The following P4HA1 variants were observed in gnomAD, a reference collection of about 807,000 sequenced individuals.
P4HA1 encodes prolyl 4-hydroxylase subunit alpha-1.
A neutral mutation model predicts 72.8 loss-of-function variants in P4HA1; 24 were observed. The observed-to-expected ratio is 0.33, with a 90% CI of 0.24 to 0.46. The LOEUF is 0.46. Among genes scored for constraint, P4HA1 ranks in the 20% least tolerant of loss-of-function variants. P4HA1 has a pLI of 1.00. For synonymous variants in P4HA1, 201 were observed against 218.8 expected (o/e 0.92, Z 0.72); for missense variants, 446 against 640.6 (o/e 0.70, Z 3.28).
chr10:73,070,269 G>C lies in P4HA1; in HGVS notation c.326-1286C>G, dbSNP rs140752536. Among the ~76,000 whole-genome samples the C allele has an allele frequency of 8.4e-4, 119 of 141,772 alleles. 8 individuals carry two copies. The highest frequency in any genetic ancestry group is 2.7e-3 in the African/African-American group (101 of 37,992). 93.0% of individuals were successfully genotyped at this position (141,772 alleles called of 152,430 possible). A position where few individuals can be genotyped will look rare whatever the true frequency, so the allele number is the denominator to read the frequency against. On this transcript the variant is annotated intron_variant, in intron 4 of 14. Transcript: ENST00000394890. ...AACTCCCGGTTCAAGCAATTCTCCT[G>C]CCTCAGCCTCCCGACTAGCTGGGAT...
At chr10:73,080,448 C>T (rs1027354116) in intron 1 of P4HA1, among the ~76,000 whole-genome samples, 1 of 152,180 alleles carries the variant, frequency 6.6e-6, no homozygotes, top group African/African-American at 2.4e-5. Context: ...TATGAAATCA[C>T]CTCTGCATTT....
chr10:73,096,512 C>A (rs976208299), intron 1 of P4HA1, among the ~76,000 whole-genome samples: 1 of 151,934 alleles, frequency 6.6e-6, no homozygotes, highest in Non-Finnish European at 1.5e-5. Flanking sequence ...GCTGCAGCAG[C>A]CCCAGCGGTC....
In P4HA1 at chr10:73,093,953, TATATATTC is replaced by T. The variant is rs149247878; in HGVS notation, c.-33+2805_-33+2812del. ...ATACTCATTTTATTTGGATTTTTTA[TATATATTC>T]ATATATTTATACACACACAACACAT... is the stretch of plus-strand genomic sequence containing the variant. On this transcript the variant is annotated intron_variant, in intron 1 of 14. Transcript: ENST00000394890. Among the ~76,000 whole-genome samples, 143 of 144,350 alleles carry T rather than the reference TATATATTC, an allele frequency of 9.9e-4. 1 individual carries two copies. The highest frequency in any genetic ancestry group is 1.6e-3 in the Non-Finnish European group (103 of 66,314). 94.7% of individuals were successfully genotyped at this position (144,350 alleles called of 152,430 possible).
At chr10:73,093,318 T>C (rs962348633) in intron 1 of P4HA1, among the ~76,000 whole-genome samples, 1 of 152,090 alleles carries the variant, frequency 6.6e-6, no homozygotes, top group African/African-American at 2.4e-5. Context: ...TTTTAGCAAA[T>C]GTCAAATCAA....
intron 6 of P4HA1, 99 bp downstream of exon 6, chr10:73,053,252 G>T: frequency 8.4e-7 from 1 of 1,197,506 alleles, no homozygotes; most frequent in Non-Finnish European, 1.2e-6. Context: ...CTTCTAAAAA[G>T]TAAGAAAATA....
At chr10:73,031,744 A>G (rs1840438275) in intron 9 of P4HA1, among the ~76,000 whole-genome samples, 1 of 152,154 alleles carries the variant, frequency 6.6e-6, no homozygotes. Flanking sequence ...ACAAGGCTAA[A>G]AACCACTGAA....
At chr10:73,050,100 A>T (rs1484173522) in intron 7 of P4HA1, among the ~76,000 whole-genome samples, 1 of 149,862 alleles carries the variant, frequency 6.7e-6, no homozygotes, top group Non-Finnish European at 1.5e-5. Flanking sequence ...CAGGAGGCGG[A>T]GGTTGCAGTG....
chr10:73,030,509 A>G (rs1840408818), intron 9 of P4HA1, 139 bp from the exon 10 acceptor site: 2 of 421,966 alleles, frequency 4.7e-6, no homozygotes. Context: ...TTTCTTGCTT[A>G]GTATCATCTT....
At chr10:73,032,418 T>C (rs1205266827) in intron 9 of P4HA1, among the ~76,000 whole-genome samples, 1 of 152,208 alleles carries the variant, frequency 6.6e-6, no homozygotes, top group African/African-American at 2.4e-5. Flanking sequence ...TTGTATTTGT[T>C]CCTTTGGTAA....
intron 5 of P4HA1, among the ~76,000 whole-genome samples, chr10:73,058,957 T>C (rs1171514442): frequency 6.6e-6 from 1 of 151,918 alleles, no homozygotes; most frequent in Admixed American, 6.6e-5. Flanking sequence ...TTTGTATTTT[T>C]AGTAGGGATG....
intron 1 of P4HA1, among the ~76,000 whole-genome samples, chr10:73,086,611 T>C (rs1470454708): frequency 6.6e-6 from 1 of 152,150 alleles, no homozygotes. Flanking sequence ...CGTGAATTAT[T>C]ACTCAATAAA....
intron 11 of P4HA1, among the ~76,000 whole-genome samples, chr10:73,015,759 A>G (rs1309493975): frequency 6.6e-6 from 1 of 151,926 alleles, no homozygotes; most frequent in Admixed American, 6.6e-5. Flanking sequence ...CCCCTCTTTA[A>G]TTCTCTAAGT....
At chr10:73,013,056 A>G (rs1227377999) in intron 12 of P4HA1, among the ~76,000 whole-genome samples, 1 of 152,190 alleles carries the variant, frequency 6.6e-6, no homozygotes, top group Non-Finnish European at 1.5e-5. Flanking sequence ...TCGGCCTCTC[A>G]AAGTGTTGGG....
intron 9 of P4HA1, among the ~76,000 whole-genome samples, chr10:73,039,777 G>T (rs962631676): frequency 6.6e-5 from 10 of 150,702 alleles, no homozygotes; most frequent in African/African-American, 2.4e-4. Context: ...TCAAAATACA[G>T]ATGTTCCCAG....
intron 10 of P4HA1, among the ~76,000 whole-genome samples, chr10:73,025,906 T>C (rs1564621509): frequency 6.6e-6 from 1 of 152,306 alleles, no homozygotes; most frequent in East Asian, 1.9e-4. Flanking sequence ...TTACAAGGGA[T>C]GTGAAGAACC....
Position 73,008,335 on chromosome 10 carries a change from A to T in P4HA1, c.1535-43T>A, listed in dbSNP as rs375533829. The stretch of plus-strand genomic sequence containing the variant: ...TATATTAATTTTCCCCCTTAATCTA[A>T]TCAGTATTTAATTAGTTTCTAAAAG... On this transcript the variant is annotated intron_variant, in intron 14 of 14. Coordinates refer to ENST00000394890, the MANE Select transcript of P4HA1 (RefSeq NM_001017962.3). 8 of 1,210,672 alleles carry T rather than the reference A, an allele frequency of 6.6e-6. No individual in the cohort carries two copies. The East Asian group carries it at 1.6e-4, about 25-fold the overall frequency. 75.0% of individuals were successfully genotyped at this position (1,210,672 alleles called of 1,614,324 possible).
At chr10:73,092,031 C>T (rs1192063971) in intron 1 of P4HA1, among the ~76,000 whole-genome samples, 1 of 152,106 alleles carries the variant, frequency 6.6e-6, no homozygotes, top group African/African-American at 2.4e-5. Flanking sequence ...TTATTTCCAC[C>T]CAGTCTACCT....
At chr10:73,046,798 T>G in intron 8 of P4HA1, 127 bp downstream of exon 8, 1 of 713,072 alleles carries the variant, frequency 1.4e-6, no homozygotes, top group Non-Finnish European at 2.3e-6. Context: ...AACTCCATTA[T>G]GCTGAGGCAA....
intron 9 of P4HA1, among the ~76,000 whole-genome samples, chr10:73,037,303 G>A (rs1404371004): frequency 3.5e-4 from 46 of 131,148 alleles, no homozygotes; most frequent in African/African-American, 1.2e-3. Context: ...CTGAGTTTCC[G>A]CTGTTAAAAA....
Sources: gnomAD v4.1 joint callset for allele counts (sites outside exome capture counted in the v4.1 genomes callset) on GRCh38, gnomAD v4.1.1 for gene constraint, MANE v1.5 for transcripts, NCBI Gene and HGNC (gene_info 2026-07-23, HGNC 2026-07-21) for gene names.